IMMP2L: variants seen among roughly 807,000 people sequenced by gnomAD.
IMMP2L encodes inner mitochondrial membrane peptidase subunit 2, also known as mitochondrial inner membrane protease subunit 2.
A neutral mutation model predicts 19.3 loss-of-function variants in IMMP2L; 18 were observed. That is an observed-to-expected ratio of 0.93 (90% CI 0.64 to 1.38). The LOEUF is 1.38. IMMP2L is among the 40% of genes most tolerant of loss of function. The probability of loss-of-function intolerance (pLI) is 0.00; values close to 1 mark genes in which losing one functional copy is unlikely to be tolerated. For missense variants in IMMP2L, 233 were observed against 218.2 expected, an observed-to-expected ratio of 1.07 and a Z score of -0.43; for synonymous variants, 76 against 73.0, an observed-to-expected ratio of 1.04 and a Z score of -0.21.
rs79158520 is a variant in IMMP2L at position 110,893,430 on chromosome 7, T to C, written c.306-6735A>G. Among the ~76,000 whole-genome samples, 57 of 152,346 alleles carry C rather than the reference T, an allele frequency of 3.7e-4. 1 individual carries two copies. The East Asian group carries it at 0.01, about 28-fold the overall frequency. On this transcript the variant is annotated intron_variant, in intron 4 of 5. Transcript: ENST00000405709. ...GGCTTCTTACTTTAGTCTAACGCTT[T>C]TGAGATCAGTTCACATTGTTCAAAC... is the stretch of plus-strand genomic sequence containing the variant.
At chr7:111,031,740 T>C (rs185291741) in intron 3 of IMMP2L, among the ~76,000 whole-genome samples, 3 of 152,188 alleles carry the variant, frequency 2.0e-5, no homozygotes, top group Admixed American at 6.5e-5. Flanking sequence ...CTGAAAATTA[T>C]AGTATAGAAA....
At chr7:111,446,143 A>G (rs2131847673) in intron 3 of IMMP2L, among the ~76,000 whole-genome samples, 1 of 151,826 alleles carries the variant, frequency 6.6e-6, no homozygotes, top group Admixed American at 6.6e-5. Context: ...GGCGCCCGCC[A>G]TTGCCCAGGC....
At chr7:110,826,231 TG>T (rs1342670374) in intron 5 of IMMP2L, among the ~76,000 whole-genome samples, 1 of 152,166 alleles carries the variant, frequency 6.6e-6, no homozygotes, top group Non-Finnish European at 1.5e-5. Flanking sequence ...ACTTTTACAC[TG>T]TTGGTGGGAC....
chr7:110,718,647 T>G (rs752938443), intron 5 of IMMP2L, among the ~76,000 whole-genome samples: 2 of 152,144 alleles, frequency 1.3e-5, no homozygotes, highest in Admixed American at 6.5e-5. Context: ...TGGAGATAAC[T>G]GAAGCGCTTT....
rs993829142 is a variant in IMMP2L, at chr7:110,662,817, T to G, written c.*785A>C. 6.6e-6 allele frequency among the ~76,000 whole-genome samples: 1 copy of G among 152,194 alleles called. No individual in the cohort carries two copies. The highest frequency in any genetic ancestry group is 2.4e-5 in the African/African-American group (1 of 41,454). ...TTTTTTCTTCTATTTCACTCAGAAC[T>G]TTTAAACACATAGTATGACTAAATG... On this transcript the variant is annotated 3_prime_UTR_variant, in exon 6 of 6. Coordinates refer to ENST00000405709, the MANE Select transcript of IMMP2L (RefSeq NM_032549.4).
chr7:111,339,397 A>G (rs1826787006), intron 3 of IMMP2L, among the ~76,000 whole-genome samples: 1 of 151,988 alleles, frequency 6.6e-6, no homozygotes, highest in Non-Finnish European at 1.5e-5. Flanking sequence ...AAGAATTAAA[A>G]AAAAAGAGAG....
At chr7:110,744,189 C>CAGCCA (rs1416625243) in intron 5 of IMMP2L, among the ~76,000 whole-genome samples, 5 of 152,172 alleles carry the variant, frequency 3.3e-5, no homozygotes, top group Admixed American at 2.6e-4. Flanking sequence ...AAGGCTGCTG[C>CAGCCA]AGCCAGACTG....
chr7:111,300,730 T>C (rs1455019527), intron 3 of IMMP2L, among the ~76,000 whole-genome samples: 2 of 152,172 alleles, frequency 1.3e-5, no homozygotes, highest in African/African-American at 4.8e-5. Context: ...TAGTTTTCTT[T>C]GATGCAGAAA....
chr7:110,765,284 A>G (rs946433748), intron 5 of IMMP2L, among the ~76,000 whole-genome samples: 4 of 152,168 alleles, frequency 2.6e-5, no homozygotes, highest in Non-Finnish European at 5.9e-5. Context: ...GTTTCCAACC[A>G]TAAACATTAT....
At chr7:111,341,666 A>T (rs1374725947) in intron 3 of IMMP2L, among the ~76,000 whole-genome samples, 1 of 152,194 alleles carries the variant, frequency 6.6e-6, no homozygotes, top group African/African-American at 2.4e-5. Context: ...CACAGAGGAT[A>T]GAGCTAGAAC....
chr7:110,691,880 TG>T (rs1176237375), intron 5 of IMMP2L, among the ~76,000 whole-genome samples: 1 of 152,208 alleles, frequency 6.6e-6, no homozygotes, highest in African/African-American at 2.4e-5. Context: ...GTGCAACCTC[TG>T]TGGAAAGCAG....
chr7:110,697,271 A>G (rs1329491409), intron 5 of IMMP2L, among the ~76,000 whole-genome samples: 2 of 152,238 alleles, frequency 1.3e-5, no homozygotes, highest in African/African-American at 4.8e-5. Context: ...AGATGGATTC[A>G]GAGTTAATTG....
intron 3 of IMMP2L, among the ~76,000 whole-genome samples, chr7:111,444,687 C>T (rs1838123005): frequency 2.0e-5 from 3 of 152,090 alleles, no homozygotes; most frequent in Non-Finnish European, 4.4e-5. Context: ...AATTTATATA[C>T]TTCCTACACT....
intron 5 of IMMP2L, among the ~76,000 whole-genome samples, chr7:110,676,395 G>A (rs1792301968): frequency 6.6e-6 from 1 of 152,212 alleles, no homozygotes; most frequent in Non-Finnish European, 1.5e-5. Flanking sequence ...AGCTGTATTT[G>A]GCCTGAGGGC....
chr7:111,444,981 G>C (rs774120257), intron 3 of IMMP2L, among the ~76,000 whole-genome samples: 6 of 152,098 alleles, frequency 3.9e-5, no homozygotes, highest in Middle Eastern at 3.4e-3. Context: ...TCAAGATGCA[G>C]GTTTATAGTC....
chr7:110,784,416 C>T (rs905024361), intron 5 of IMMP2L, among the ~76,000 whole-genome samples: 7 of 151,900 alleles, frequency 4.6e-5, no homozygotes, highest in Non-Finnish European at 4.4e-5. Context: ...CAAGACCTTT[C>T]ATCTTCCAAA....
In IMMP2L at chr7:110,760,561, G is replaced by C. The variant is rs564310491; in HGVS notation, c.409-96840C>G. Among the ~76,000 whole-genome samples, 2 of 152,158 alleles carry C rather than the reference G, an allele frequency of 1.3e-5. No homozygotes were observed. The highest frequency in any genetic ancestry group is 3.4e-3 in the Middle Eastern group (1 of 294). On this transcript the variant is annotated intron_variant, in intron 5 of 5. Coordinates refer to ENST00000405709, the MANE Select transcript of IMMP2L (RefSeq NM_032549.4). This position sits in a 1 kb window ranked among gnomAD's most constrained non-coding sequence, Gnocchi z 4.2. ...TTTTTGTTGTCCCCAACTCCCAGGA[G>C]GGCAACTGCTGGGAAGGAATGAAGT...
rs55867543 is a variant in IMMP2L, at chr7:111,075,116, C to CTT, written c.240-111553_240-111552dup. Among the ~76,000 whole-genome samples the CTT allele has an allele frequency of 5.0e-4, 38 of 75,292 alleles. 1 individual carries two copies. The highest frequency in any genetic ancestry group is 1.7e-3 in the African/African-American group (34 of 19,860). The allele number at this position is 75,292 out of a possible 152,430, so 49.4% of individuals were successfully genotyped here. A position where few individuals can be genotyped will look rare whatever the true frequency, so the allele number is the denominator to read the frequency against. The stretch of plus-strand genomic sequence containing the variant: ...ATATTTTAAATAGCTTGTTTTCAGA[C>CTT]TTTTTTTTTTTTTTTTTTTTTTTTT... On this transcript the variant is annotated intron_variant, in intron 3 of 5. Coordinates refer to ENST00000405709, the MANE Select transcript of IMMP2L (RefSeq NM_032549.4).
At chr7:111,022,688 C>T (rs1339975815) in intron 3 of IMMP2L, among the ~76,000 whole-genome samples, 1 of 152,158 alleles carries the variant, frequency 6.6e-6, no homozygotes. Context: ...CAAGGATGAT[C>T]TATATCCTAT....
Sources: allele counts gnomAD v4.1 joint callset (sites outside exome capture counted in the v4.1 genomes callset), GRCh38; gene constraint gnomAD v4.1.1; non-coding constraint Gnocchi (gnomAD v3.1); transcripts MANE v1.5; gene names NCBI Gene and HGNC (gene_info 2026-07-23, HGNC 2026-07-21).